The following CDH13 variants were observed in gnomAD, a reference collection of about 807,000 sequenced individuals.
The protein encoded by CDH13 is cadherin 13.
In CDH13, 24 loss-of-function variants were observed where a neutral mutation model predicts 63.8. The ratio of observed to expected loss-of-function variants is 0.38; its 90% CI spans 0.27 to 0.53. The LOEUF is 0.53. Among genes scored for constraint, CDH13 ranks in the 20% least tolerant of loss-of-function variants. The pLI is 0.85. For synonymous variants in CDH13, 503 were observed against 355.3 expected, an observed-to-expected ratio of 1.42 and a Z score of -4.67; for missense variants, 1,049 against 903.1, an observed-to-expected ratio of 1.16 and a Z score of -2.07.
At chr16:83,081,310 C>G (rs1182583624) in intron 3 of CDH13, among the ~76,000 whole-genome samples, 1 of 152,102 alleles carries the variant, frequency 6.6e-6, no homozygotes, top group African/African-American at 2.4e-5. Context: ...ATGGGATAGA[C>G]ATGGTCTATA....
chr16:83,570,513 G>A (rs1012473252), intron 7 of CDH13, among the ~76,000 whole-genome samples: 24 of 151,904 alleles, frequency 1.6e-4, no homozygotes, highest in Non-Finnish European at 2.5e-4. Context: ...TGCCCTCACC[G>A]TACTCATGGT....
At chr16:83,741,068 A>T (rs1015867123) in intron 10 of CDH13, among the ~76,000 whole-genome samples, 3 of 152,212 alleles carry the variant, frequency 2.0e-5, no homozygotes, top group Non-Finnish European at 4.4e-5. Context: ...TTCCTGGGAC[A>T]GGAAGAGAAC....
At chr16:82,755,947 T>C (rs1433265278) in intron 1 of CDH13, among the ~76,000 whole-genome samples, 4 of 152,220 alleles carry the variant, frequency 2.6e-5, no homozygotes, top group African/African-American at 4.8e-5. Context: ...AGGAAGACTT[T>C]ACATGTTGGA....
intron 5 of CDH13, among the ~76,000 whole-genome samples, chr16:83,232,746 CTT>C (rs1265527128): frequency 6.7e-6 from 1 of 149,084 alleles, no homozygotes; most frequent in Non-Finnish European, 1.5e-5. Flanking sequence ...AAACCTGTCT[CTT>C]TTATAAATGA....
At chr16:83,782,889 C>G (rs116250961) in intron 12 of CDH13, among the ~76,000 whole-genome samples, 2,165 of 152,234 alleles carry the variant, frequency 0.014, 63 homozygotes, top group African/African-American at 0.05. Flanking sequence ...ATGGCTTTTT[C>G]GTGTAATAAA....
At chr16:83,563,138 C>A (rs1159865947) in intron 7 of CDH13, among the ~76,000 whole-genome samples, 1 of 152,194 alleles carries the variant, frequency 6.6e-6, no homozygotes, top group Non-Finnish European at 1.5e-5. Flanking sequence ...TGCGACATTC[C>A]AGGAATAGCC....
chr16:83,625,154 CTGTGTGTGTGTGTGCTCA>C lies in CDH13; in HGVS notation c.1101+22591_1101+22608del, dbSNP rs61478910. Reference sequence around the variant, plus strand: ...TGGTGTTTGCCCACCTAAAGAAACTCTGTGTGTGTGTGTGCTCATGTGTGTGTGTGTGCTCATGTGTGT... The same window carrying C: ...TGGTGTTTGCCCACCTAAAGAAACTCTGTGTGTGTGTGTGCTCATGTGTGT... On this transcript the variant is annotated intron_variant, in intron 8 of 13. Transcript: ENST00000567109. Among the ~76,000 whole-genome samples the C allele has an allele frequency of 2.5e-3, 369 of 149,718 alleles. 2 individuals are homozygous for C. The East Asian group carries it at 0.026, about 11-fold the overall frequency.
rs74427490 is a variant in CDH13, at chr16:82,647,604, T to C, written c.45+20467T>C. 4.0e-5 allele frequency among the ~76,000 whole-genome samples: 6 copies of C among 150,202 alleles called. No homozygotes were observed. The East Asian group carries it at 9.8e-4, about 25-fold the overall frequency. Reference sequence around the variant, plus strand: ...CATCCCACCTGAGGGGCATGGGAGCTCCAGATTTTATGCCACAAATCTGGT... The same window carrying C: ...CATCCCACCTGAGGGGCATGGGAGCCCCAGATTTTATGCCACAAATCTGGT... On this transcript the variant is annotated intron_variant, in intron 1 of 13. Coordinates refer to ENST00000567109, the MANE Select transcript of CDH13 (RefSeq NM_001257.5).
chr16:82,828,689 C>CATAT (rs200586101), intron 1 of CDH13, among the ~76,000 whole-genome samples: 2 of 149,908 alleles, frequency 1.3e-5, no homozygotes, highest in Non-Finnish European at 3.0e-5. Flanking sequence ...TATACACAAA[C>CATAT]ATATATATAT....
chr16:83,691,628 C>T (rs906783817), intron 10 of CDH13, among the ~76,000 whole-genome samples: 1 of 152,072 alleles, frequency 6.6e-6, no homozygotes, highest in Non-Finnish European at 1.5e-5. Context: ...CAGCACAGTT[C>T]CGTACAACGG....
chr16:83,148,182 C>T (rs908880247), intron 4 of CDH13, among the ~76,000 whole-genome samples: 2 of 152,188 alleles, frequency 1.3e-5, no homozygotes, highest in African/African-American at 4.8e-5. Flanking sequence ...AAGTGATCCA[C>T]CCGCCTCAGC....
chr16:83,267,977 A>T (rs997682175), intron 5 of CDH13, among the ~76,000 whole-genome samples: 1 of 152,160 alleles, frequency 6.6e-6, no homozygotes. Context: ...TGGCAAATTA[A>T]TCAAGCTTTA....
intron 1 of CDH13, among the ~76,000 whole-genome samples, chr16:82,710,650 T>C (rs1321456912): frequency 2.1e-5 from 3 of 144,254 alleles, no homozygotes; most frequent in Non-Finnish European, 4.6e-5. Flanking sequence ...AATATAATCA[T>C]TTTATTTGAT....
intron 1 of CDH13, among the ~76,000 whole-genome samples, chr16:82,764,363 TCTC>T (rs1198735280): frequency 1.3e-5 from 2 of 152,156 alleles, no homozygotes; most frequent in African/African-American, 4.8e-5. Context: ...TTTAAGTTCT[TCTC>T]CTCTACTCTC....
At chr16:83,425,727 G>T (rs1051534721) in intron 6 of CDH13, among the ~76,000 whole-genome samples, 3 of 150,794 alleles carry the variant, frequency 2.0e-5, no homozygotes, top group African/African-American at 7.3e-5. Flanking sequence ...GTTCAAATAT[G>T]AATACCTTTC....
At position 83,603,774 on chromosome 16, in the gene CDH13, T is replaced by C. The variant is rs534462338; in HGVS notation, c.1101+1180T>C. Among the ~76,000 whole-genome samples the C allele has an allele frequency of 1.7e-4, 26 of 152,252 alleles. No individual in the cohort carries two copies. In the South Asian group the frequency reaches 5.4e-3, roughly 32 times the overall value. On this transcript the variant is annotated intron_variant, in intron 8 of 13. Transcript: ENST00000567109. ...TCTCACACTGCTATAAAGAACTACCTAAGACTGGGTAATTTACAAAGAAAA... is the reference window on the plus strand; with the variant it reads ...TCTCACACTGCTATAAAGAACTACCCAAGACTGGGTAATTTACAAAGAAAA...
intron 6 of CDH13, among the ~76,000 whole-genome samples, chr16:83,410,595 G>T (rs550918945): frequency 2.0e-5 from 3 of 152,090 alleles, no homozygotes; most frequent in Non-Finnish European, 4.4e-5. Flanking sequence ...CTCTGGTCAT[G>T]CAATGCTATC....
At chr16:83,491,958 T>C (rs1467200785) in intron 7 of CDH13, among the ~76,000 whole-genome samples, 1 of 152,184 alleles carries the variant, frequency 6.6e-6, no homozygotes, top group East Asian at 1.9e-4. Context: ...TTTATGTGCA[T>C]TTACTTGCTA....
At chr16:82,915,667 C>A (rs1421867738) in intron 2 of CDH13, among the ~76,000 whole-genome samples, 5 of 151,908 alleles carry the variant, frequency 3.3e-5, no homozygotes, top group African/African-American at 1.2e-4. Flanking sequence ...CTGCCTGCTG[C>A]AGGTGACGTT....
Sources: allele counts gnomAD v4.1 joint callset (sites outside exome capture counted in the v4.1 genomes callset), GRCh38; gene constraint gnomAD v4.1.1; transcripts MANE v1.5; gene names NCBI Gene and HGNC (gene_info 2026-07-23, HGNC 2026-07-21).